Variants in CCNH observed in about 807,000 individuals in gnomAD.
CCNH encodes cyclin H.
A neutral mutation model predicts 41.9 loss-of-function variants in CCNH; 31 were observed. The observed-to-expected ratio is 0.74, with a 90% CI of 0.56 to 1.00. CCNH has a LOEUF of 1.00. Ranked by LOEUF, CCNH falls within the 50% of genes least tolerant of loss-of-function variation. The probability of loss-of-function intolerance (pLI) is 0.00; values close to 1 mark genes in which losing one functional copy is unlikely to be tolerated. For synonymous variants in CCNH, 138 were observed against 136.1 expected, an observed-to-expected ratio of 1.01 and a Z score of -0.10; for missense variants, 362 against 388.4, an observed-to-expected ratio of 0.93 and a Z score of 0.57.
chr5:87,321,912 A>G (rs1756844230), intron 9 of CCNH, among the ~76,000 whole-genome samples: 1 of 152,218 alleles, frequency 6.6e-6, no homozygotes, highest in Admixed American at 6.5e-5. Context: ...CTTGGTGCAG[A>G]TGAAAGGAGG....
intron 9 of CCNH, among the ~76,000 whole-genome samples, chr5:87,384,737 A>G (rs1278353800): frequency 1.3e-5 from 2 of 152,134 alleles, no homozygotes; most frequent in African/African-American, 4.8e-5. Flanking sequence ...ACATCCTACT[A>G]TCTGTGTTCC....
chr5:87,389,822 A>C (rs1762356122), downstream of CCNH, among the ~76,000 whole-genome samples: 1 of 152,132 alleles, frequency 6.6e-6, no homozygotes, highest in African/African-American at 2.4e-5. Flanking sequence ...GTAAGTCAAT[A>C]TTGATTTTAT....
chr5:87,378,652 C>T, upstream of CCNH: 3 of 1,135,696 alleles, frequency 2.6e-6, no homozygotes, highest in Non-Finnish European at 3.8e-6. Flanking sequence ...AATTATTCCT[C>T]ATAGCAGTTA....
chr5:87,379,743 A>G (rs1761578119), upstream of CCNH: 2 of 1,612,194 alleles, frequency 1.2e-6, no homozygotes, highest in African/African-American at 1.3e-5. Flanking sequence ...AGTTAAGTCC[A>G]TCAAAGTTAG....
rs200767477 is a variant in CCNH at position 87,408,011 on chromosome 5, A to T, written c.490T>A (p.Tyr164Asn). ...ATGAGGAAGCCCTCAAATGGTCTGTAAGGATTGTGGACAATAAGGTGGAAA... is the reference window on the plus strand; with the variant it reads ...ATGAGGAAGCCCTCAAATGGTCTGTTAGGATTGTGGACAATAAGGTGGAAA... ...LNFHLIVHNP[Y>N]RPFEGFLIDL... Residue 164 changes from tyrosine (Y) to asparagine (N), a missense_variant, in exon 4 of 9, where the codon TAC becomes AAC. Tyr to Asn is a moderately radical substitution (Grantham distance 143). Transcript: ENST00000256897. 1 of 1,613,680 alleles carries T rather than the reference A, an allele frequency of 6.2e-7. No homozygotes were observed. The highest frequency in any genetic ancestry group is 8.5e-7 in the Non-Finnish European group (1 of 1,179,554).
At chr5:87,359,596 G>A (rs1056179037) in intron 9 of CCNH, among the ~76,000 whole-genome samples, 2 of 152,162 alleles carry the variant, frequency 1.3e-5, no homozygotes, top group African/African-American at 4.8e-5. Context: ...CAGACTCCAA[G>A]AATGTTCCAT....
At chr5:87,323,160 C>T (rs1453625944) in intron 9 of CCNH, among the ~76,000 whole-genome samples, 1 of 152,086 alleles carries the variant, frequency 6.6e-6, no homozygotes, top group Non-Finnish European at 1.5e-5. Context: ...GAGGAAAAGG[C>T]ACGTAGAAAA....
At chr5:87,372,070 C>A, downstream of CCNH, 1 of 1,506,340 alleles carries the variant, frequency 6.6e-7, no homozygotes, top group Non-Finnish European at 9.0e-7. Flanking sequence ...GATTTGGAAG[C>A]CAAATAAACT....
chr5:87,377,195 A>C, upstream of CCNH: 1 of 944,248 alleles, frequency 1.1e-6, no homozygotes, highest in Non-Finnish European at 1.6e-6. Context: ...GTTGGATGTC[A>C]GTTCTGATTA....
At chr5:87,325,993 A>G (rs1208745121) in intron 9 of CCNH, among the ~76,000 whole-genome samples, 1 of 151,442 alleles carries the variant, frequency 6.6e-6, no homozygotes, top group East Asian at 1.9e-4. Context: ...TTCCCCTGTG[A>G]CAGGGTCTCT....
intron 9 of CCNH, chr5:87,363,647 T>C: frequency 1.2e-6 from 1 of 851,746 alleles, no homozygotes; most frequent in Non-Finnish European, 1.9e-6. Flanking sequence ...CCTTCCTTGC[T>C]TAATTGTAGA....
chr5:87,338,836 T>C (rs1264795748), intron 9 of CCNH, among the ~76,000 whole-genome samples: 1 of 152,068 alleles, frequency 6.6e-6, no homozygotes, highest in African/African-American at 2.4e-5. Flanking sequence ...AAGAATTCAT[T>C]TATATTATAC....
intron 7 of CCNH, among the ~76,000 whole-genome samples, chr5:87,399,183 A>G (rs1763197968): frequency 6.6e-6 from 1 of 152,224 alleles, no homozygotes; most frequent in African/African-American, 2.4e-5. Flanking sequence ...TGCAAGCCAA[A>G]GAACATATGA....
intron 9 of CCNH, among the ~76,000 whole-genome samples, chr5:87,331,878 ACTAT>A (rs1757625016): frequency 6.6e-6 from 1 of 152,158 alleles, no homozygotes; most frequent in Admixed American, 6.6e-5. Flanking sequence ...TTTTAGCTTC[ACTAT>A]TCTAAAACTC....
chr5:87,374,376 TTC>T (rs894773669), downstream of CCNH: 163 of 1,519,168 alleles, frequency 1.1e-4, no homozygotes, highest in African/African-American at 1.8e-3. Flanking sequence ...TTGCATTTCT[TTC>T]TGTTTTTTTG....
chr5:87,318,278 A>T (rs1158735035), downstream of CCNH: 1 of 152,156 alleles, frequency 6.6e-6, no homozygotes, highest in African/African-American at 2.4e-5. Flanking sequence ...TTAGAGGAGG[A>T]GTTTATGGCC....
chr5:87,342,254 G>T (rs1003332554), intron 9 of CCNH, among the ~76,000 whole-genome samples: 1 of 151,638 alleles, frequency 6.6e-6, no homozygotes, highest in Non-Finnish European at 1.5e-5. Flanking sequence ...CTGCCTCCTG[G>T]ATTCAAACGA....
chr5:87,348,238 T>G (rs1759003493), intron 9 of CCNH, among the ~76,000 whole-genome samples: 1 of 152,066 alleles, frequency 6.6e-6, no homozygotes, highest in Non-Finnish European at 1.5e-5. Flanking sequence ...TTCTTTTTAC[T>G]GAACATGAAG....
intron 9 of CCNH, among the ~76,000 whole-genome samples, chr5:87,325,756 C>G (rs1757185661): frequency 6.6e-6 from 1 of 152,156 alleles, no homozygotes; most frequent in Non-Finnish European, 1.5e-5. Flanking sequence ...TAATGGTTTT[C>G]TGTTGTGTAG....
Sources: gnomAD v4.1 joint callset for allele counts (sites outside exome capture counted in the v4.1 genomes callset) on GRCh38, gnomAD v4.1.1 for gene constraint, MANE v1.5 for transcripts, NCBI Gene and HGNC (gene_info 2026-07-23, HGNC 2026-07-21) for gene names.